Variants in WDFY2 observed in about 807,000 individuals in gnomAD.
The protein encoded by WDFY2 is WD repeat and FYVE domain-containing protein 2.
WDFY2 carries 36 observed loss-of-function variants against 56.4 expected under a neutral mutation model. That is an observed-to-expected ratio of 0.64 (90% CI 0.49 to 0.84). The LOEUF (loss-of-function observed/expected upper bound fraction) is 0.84, where lower values mean the gene tolerates loss of function less well. WDFY2 is among the 40% of genes least tolerant of loss of function. WDFY2 has a pLI of 0.00. For missense variants in WDFY2, 444 were observed against 512.2 expected, an observed-to-expected ratio of 0.87 and a Z score of 1.29; for synonymous variants, 176 against 183.7, an observed-to-expected ratio of 0.96 and a Z score of 0.34.
chr13:51,702,958 C>CT (rs1388929040), intron 3 of WDFY2, among the ~76,000 whole-genome samples: 1 of 152,170 alleles, frequency 6.6e-6, no homozygotes, highest in Admixed American at 6.5e-5. Flanking sequence ...ACAACAGACA[C>CT]TTATGTGTCC....
intron 1 of WDFY2, among the ~76,000 whole-genome samples, chr13:51,601,633 C>G (rs1009874020): frequency 9.2e-5 from 14 of 152,160 alleles, no homozygotes; most frequent in Non-Finnish European, 1.9e-4. Context: ...CCAGGCTGGT[C>G]TCCAATACCT....
chr13:51,679,886 C>G (rs1449833515), intron 3 of WDFY2, among the ~76,000 whole-genome samples: 1 of 152,002 alleles, frequency 6.6e-6, no homozygotes, highest in African/African-American at 2.4e-5. Context: ...TTCACATTGC[C>G]TTCCTTTCTA....
At chr13:51,709,314 G>A (rs963954309) in intron 4 of WDFY2, among the ~76,000 whole-genome samples, 2 of 152,178 alleles carry the variant, frequency 1.3e-5, no homozygotes, top group African/African-American at 4.8e-5. Context: ...GTCATGCAAA[G>A]TATGTTCTCT....
chr13:51,616,926 A>C (rs1954629436), intron 1 of WDFY2, among the ~76,000 whole-genome samples: 1 of 152,256 alleles, frequency 6.6e-6, no homozygotes, highest in Non-Finnish European at 1.5e-5. Context: ...CTTAAGAAAT[A>C]CGTAAGAAAT....
chr13:51,671,727 T>C (rs1955809323), intron 2 of WDFY2, among the ~76,000 whole-genome samples: 1 of 151,896 alleles, frequency 6.6e-6, no homozygotes, highest in South Asian at 2.1e-4. Context: ...GGCAGAAGAT[T>C]TTTAGTTTAA....
At chr13:51,706,164 C>T (rs1952077868) in intron 4 of WDFY2, among the ~76,000 whole-genome samples, 1 of 152,116 alleles carries the variant, frequency 6.6e-6, no homozygotes, top group Non-Finnish European at 1.5e-5. Context: ...CTATGGAAAC[C>T]TATTCTCCAC....
intron 1 of WDFY2, among the ~76,000 whole-genome samples, chr13:51,631,353 C>T (rs527402681): frequency 7.6e-4 from 113 of 148,922 alleles, no homozygotes; most frequent in Admixed American, 1.7e-3. Context: ...ATGGTGTCAT[C>T]GCACTGCAGC....
At chr13:51,711,631 G>T (rs1952220075) in intron 4 of WDFY2, among the ~76,000 whole-genome samples, 1 of 152,090 alleles carries the variant, frequency 6.6e-6, no homozygotes, top group Admixed American at 6.5e-5. Flanking sequence ...GTGGGCAAAG[G>T]ATATAAACAG....
chr13:51,668,348 A>T (rs990405077), intron 2 of WDFY2, among the ~76,000 whole-genome samples: 4 of 152,176 alleles, frequency 2.6e-5, no homozygotes, highest in African/African-American at 9.7e-5. Context: ...AGTGTAACTT[A>T]AAACTTGTCT....
chr13:51,689,459 A>G (rs547218989), intron 3 of WDFY2, among the ~76,000 whole-genome samples: 2 of 152,256 alleles, frequency 1.3e-5, no homozygotes, highest in East Asian at 1.9e-4. Flanking sequence ...GAATCTGGAG[A>G]GGCAAGCAGC....
At chr13:51,705,148 C>T (rs1952057036) in intron 4 of WDFY2, among the ~76,000 whole-genome samples, 1 of 152,144 alleles carries the variant, frequency 6.6e-6, no homozygotes, top group South Asian at 2.1e-4. Flanking sequence ...TGTCAACAGC[C>T]AGTAAGGGAC....
intron 1 of WDFY2, among the ~76,000 whole-genome samples, chr13:51,606,553 C>T (rs950245094): frequency 1.3e-5 from 2 of 152,092 alleles, no homozygotes; most frequent in African/African-American, 4.8e-5. Context: ...CACAATGAAA[C>T]TGGCATTTGA....
At chr13:51,696,026 G>A (rs141146262) in intron 3 of WDFY2, among the ~76,000 whole-genome samples, 5 of 152,318 alleles carry the variant, frequency 3.3e-5, no homozygotes, top group East Asian at 1.9e-4. Flanking sequence ...AAAGCCCATC[G>A]GAAAAGTGCA....
intron 6 of WDFY2, among the ~76,000 whole-genome samples, chr13:51,733,289 A>T (rs975059143): frequency 2.6e-5 from 4 of 152,166 alleles, no homozygotes; most frequent in African/African-American, 9.7e-5. Context: ...CGCCCACTTC[A>T]GCCTCCCAAA....
At position 51,585,994 on chromosome 13, in the gene WDFY2, A is replaced by G. The variant is rs543423877; in HGVS notation, c.137+1170A>G. On this transcript the variant is annotated intron_variant, in intron 1 of 11. Coordinates refer to ENST00000298125, the MANE Select transcript of WDFY2 (RefSeq NM_052950.4). Reference sequence around the variant, plus strand: ...TGTTCTTGTCTACATCATGCTCAATACAAATGGCGCCTGATTAATTTCCTG... The same window carrying G: ...TGTTCTTGTCTACATCATGCTCAATGCAAATGGCGCCTGATTAATTTCCTG... The G allele has an allele frequency of 1.8e-4, 71 of 398,552 alleles. No individual in the cohort carries two copies. In the South Asian group the frequency reaches 4.6e-3, roughly 26 times the overall value. The allele number at this position is 398,552 out of a possible 1,614,324, so 24.7% of individuals were successfully genotyped here.
intron 4 of WDFY2, among the ~76,000 whole-genome samples, chr13:51,716,747 G>A (rs1298894208): frequency 1.6e-4 from 13 of 83,360 alleles, no homozygotes; most frequent in Admixed American, 2.5e-4. Flanking sequence ...GGCACTACAA[G>A]AAAGAAAACT....
intron 10 of WDFY2, chr13:51,756,757 G>T: frequency 1.7e-6 from 1 of 586,760 alleles, no homozygotes; most frequent in Non-Finnish European, 2.1e-6. Flanking sequence ...TCATTTACTT[G>T]AGAATTACCC....
chr13:51,747,053 A>G (rs1164159147), intron 7 of WDFY2, among the ~76,000 whole-genome samples: 1 of 152,270 alleles, frequency 6.6e-6, no homozygotes, highest in Non-Finnish European at 1.5e-5. Flanking sequence ...TGTTCTTTGA[A>G]ATATCAATAT....
At position 51,763,172 on chromosome 13, in the gene WDFY2, T is replaced by G. The variant is rs371995463; in HGVS notation, c.*3403T>G. The stretch of plus-strand genomic sequence containing the variant: ...AGAATCTAAAAGAATGTTCAAGGAA[T>G]AGCTGTTTTTGAACATTACTTAGTA... On this transcript the variant is annotated 3_prime_UTR_variant, in exon 12 of 12. Transcript: ENST00000298125. 1 of 152,214 alleles carries G rather than the reference T, an allele frequency of 6.6e-6. No individual in the cohort carries two copies. Among genetic ancestry groups the G allele is most frequent in the Non-Finnish European group, 1.5e-5 (1 of 68,042 alleles). The allele number at this position is 152,214 out of a possible 1,614,324, so 9.4% of individuals were successfully genotyped here.
Sources: allele counts gnomAD v4.1 joint callset (sites outside exome capture counted in the v4.1 genomes callset), GRCh38; gene constraint gnomAD v4.1.1; transcripts MANE v1.5; gene names NCBI Gene and HGNC (gene_info 2026-07-23, HGNC 2026-07-21).